Variants in RCAN2 observed in about 807,000 individuals in gnomAD.
The protein encoded by RCAN2 is regulator of calcineurin 2.
A neutral mutation model predicts 23.6 loss-of-function variants in RCAN2; 9 were observed. The observed-to-expected ratio is 0.38, with a 90% CI of 0.23 to 0.67. The LOEUF (loss-of-function observed/expected upper bound fraction) is 0.67. RCAN2 is among the 30% of genes least tolerant of loss of function. The probability of loss-of-function intolerance (pLI) is 0.51; values close to 1 mark genes in which losing one functional copy is unlikely to be tolerated. For synonymous variants in RCAN2, 109 were observed against 115.7 expected (o/e 0.94, Z 0.37); for missense variants, 273 against 302.3 (o/e 0.90, Z 0.72).
chr6:46,447,102 C>T (rs573752826), intron 2 of RCAN2, among the ~76,000 whole-genome samples: 11 of 151,924 alleles, frequency 7.2e-5, no homozygotes, highest in Non-Finnish European at 1.5e-4. Flanking sequence ...CTACAATAGA[C>T]ACACTTCACA....
At chr6:46,299,466 C>T (rs746695510) in intron 2 of RCAN2, among the ~76,000 whole-genome samples, 6 of 152,024 alleles carry the variant, frequency 3.9e-5, no homozygotes, top group Non-Finnish European at 8.8e-5. Context: ...TGGTTATCTA[C>T]TCTGTATCTA....
chr6:46,477,150 A>G (rs989676909), intron 1 of RCAN2, among the ~76,000 whole-genome samples: 2 of 152,146 alleles, frequency 1.3e-5, no homozygotes, highest in African/African-American at 4.8e-5. Context: ...CTGGCTGTTC[A>G]TCATGTCCTT....
intron 2 of RCAN2, among the ~76,000 whole-genome samples, chr6:46,288,161 G>A (rs1045536144): frequency 2.0e-5 from 3 of 152,182 alleles, no homozygotes; most frequent in African/African-American, 7.2e-5. Flanking sequence ...TCACGTTGCA[G>A]CAACAGGCAG....
chr6:46,272,243 T>A (rs1179695762), intron 2 of RCAN2, among the ~76,000 whole-genome samples: 1 of 152,214 alleles, frequency 6.6e-6, no homozygotes, highest in Non-Finnish European at 1.5e-5. Context: ...ATCTTAATGA[T>A]CACCTAAAGC....
chr6:46,306,266 G>C (rs764840539), intron 2 of RCAN2, among the ~76,000 whole-genome samples: 1 of 152,030 alleles, frequency 6.6e-6, no homozygotes, highest in Admixed American at 6.6e-5. Flanking sequence ...CTATTCCTTG[G>C]CCTGTTCAGT....
At chr6:46,234,640 A>G (rs1201202897) in intron 4 of RCAN2, among the ~76,000 whole-genome samples, 1 of 152,254 alleles carries the variant, frequency 6.6e-6, no homozygotes, top group Non-Finnish European at 1.5e-5. Flanking sequence ...GGAGGCCAGG[A>G]CCAAAAGTCA....
At chr6:46,235,599 G>A (rs573096508) in intron 4 of RCAN2, among the ~76,000 whole-genome samples, 8 of 152,238 alleles carry the variant, frequency 5.3e-5, no homozygotes, top group South Asian at 2.1e-4. Context: ...TCTAGGTTCC[G>A]TTACCAGCTA....
At position 46,222,127 on chromosome 6, in the gene RCAN2, T is replaced by A. The variant is rs567018545; in HGVS notation, c.*1014A>T. ...ATCATGTATATATTGGCATTAGATGTTTTGTGTCCTTTCAAAATTCAGCAT... is the reference window on the plus strand; with the variant it reads ...ATCATGTATATATTGGCATTAGATGATTTGTGTCCTTTCAAAATTCAGCAT... On this transcript the variant is annotated 3_prime_UTR_variant, in exon 5 of 5. Coordinates refer to ENST00000371374, the MANE Select transcript of RCAN2 (RefSeq NM_001251974.2). The A allele has an allele frequency of 2.5e-6, 1 of 396,578 alleles. No homozygotes were observed. The highest frequency in any genetic ancestry group is 2.1e-5 in the African/African-American group (1 of 48,564). The allele number at this position is 396,578 out of a possible 1,614,324, so 24.6% of individuals were successfully genotyped here.
intron 2 of RCAN2, among the ~76,000 whole-genome samples, chr6:46,285,490 G>A (rs1445637328): frequency 6.6e-6 from 1 of 152,156 alleles, no homozygotes; most frequent in Admixed American, 6.5e-5. Context: ...CTAATCGAGG[G>A]GTTCTGGGAT....
intron 2 of RCAN2, among the ~76,000 whole-genome samples, chr6:46,280,595 C>T (rs1449906819): frequency 6.6e-6 from 1 of 152,142 alleles, no homozygotes; most frequent in Non-Finnish European, 1.5e-5. Context: ...ACTAAGAGGG[C>T]TTTCTCTCCC....
intron 2 of RCAN2, among the ~76,000 whole-genome samples, chr6:46,262,421 A>G (rs1484767145): frequency 2.0e-5 from 3 of 152,012 alleles, no homozygotes; most frequent in African/African-American, 7.2e-5. Flanking sequence ...CCACCCAAAA[A>G]TCAACCTTGG....
At chr6:46,483,623 A>AT (rs1027372156) in intron 1 of RCAN2, among the ~76,000 whole-genome samples, 3 of 152,230 alleles carry the variant, frequency 2.0e-5, no homozygotes, top group Admixed American at 6.5e-5. Context: ...ACCTTGTCAA[A>AT]TTTTTTTTGT....
intron 2 of RCAN2, among the ~76,000 whole-genome samples, chr6:46,273,841 C>G (rs1767598390): frequency 6.6e-6 from 1 of 151,736 alleles, no homozygotes; most frequent in South Asian, 2.1e-4. Context: ...TTTTAGAGAG[C>G]TGTAAGAGTG....
At position 46,450,667 on chromosome 6, in the gene RCAN2, AGT is replaced by A. The variant is rs760378592; in HGVS notation, c.225+6083_225+6084del. On this transcript the variant is annotated intron_variant, in intron 2 of 4. Coordinates refer to ENST00000371374, the MANE Select transcript of RCAN2 (RefSeq NM_001251974.2). Reference sequence around the variant, plus strand: ...GATGAAAATGCAGGATAGTATGTTAAGTGAAATAAGCCAGGTACAGAAAGACA... The same window carrying A: ...GATGAAAATGCAGGATAGTATGTTAAGAAATAAGCCAGGTACAGAAAGACA... Among the ~76,000 whole-genome samples the A allele has an allele frequency of 3.9e-5, 6 of 152,098 alleles. No homozygotes were observed. The East Asian group carries it at 5.8e-4, about 15-fold the overall frequency.
intron 2 of RCAN2, among the ~76,000 whole-genome samples, chr6:46,297,840 A>C (rs1762769953): frequency 6.6e-6 from 1 of 152,128 alleles, no homozygotes; most frequent in Admixed American, 6.6e-5. Context: ...TGTACAAATC[A>C]CTTGAATATA....
intron 2 of RCAN2, among the ~76,000 whole-genome samples, chr6:46,303,461 C>T (rs78448600): frequency 0.011 from 1,681 of 152,118 alleles, 34 homozygotes; most frequent in African/African-American, 0.035. Context: ...CATTATGGTG[C>T]TACTTCTTCT....
At chr6:46,231,629 C>T (rs748177342) in intron 4 of RCAN2, among the ~76,000 whole-genome samples, 10 of 152,062 alleles carry the variant, frequency 6.6e-5, no homozygotes, top group Non-Finnish European at 1.3e-4. Context: ...AGGCTGGTCT[C>T]GAACTCCTGA....
chr6:46,411,238 A>C (rs1322764085), intron 2 of RCAN2, among the ~76,000 whole-genome samples: 1 of 152,232 alleles, frequency 6.6e-6, no homozygotes, highest in Non-Finnish European at 1.5e-5. Context: ...AACCCTGAAG[A>C]CATTATGCTA....
chr6:46,341,752 C>T (rs1408567882), intron 2 of RCAN2, among the ~76,000 whole-genome samples: 1 of 152,136 alleles, frequency 6.6e-6, no homozygotes, highest in Non-Finnish European at 1.5e-5. Context: ...GAGCTGAGAT[C>T]ATGCCATTTC....
Sources: gnomAD v4.1 joint callset for allele counts (sites outside exome capture counted in the v4.1 genomes callset) on GRCh38, gnomAD v4.1.1 for gene constraint, MANE v1.5 for transcripts, NCBI Gene and HGNC (gene_info 2026-07-23, HGNC 2026-07-21) for gene names.